NCOA6: variants seen among roughly 807,000 people sequenced by gnomAD.
NCOA6 encodes nuclear receptor coactivator 6, also known as NRC RAP250.
NCOA6 carries 49 observed loss-of-function variants against 171.4 expected under a neutral mutation model. The observed-to-expected ratio is 0.29, with a 90% confidence interval of 0.23 to 0.36. The LOEUF is 0.36. Ranked by LOEUF, NCOA6 falls within the 10% of genes least tolerant of loss-of-function variation. The pLI, the probability that NCOA6 is intolerant of heterozygous loss-of-function variation, is 1.00. For synonymous variants in NCOA6, 910 were observed against 927.5 expected (o/e 0.98, Z 0.34); for missense variants, 2,248 against 2,554.5 (o/e 0.88, Z 2.59).
chr20:34,741,589 C>T lies in NCOA6; in HGVS notation c.4667G>A (p.Cys1556Tyr). 2 of 1,614,172 alleles carry T rather than the reference C, an allele frequency of 1.2e-6. No homozygotes were observed. Among genetic ancestry groups the T allele is most frequent in the Non-Finnish European group, 1.7e-6 (2 of 1,180,038 alleles). ...CAATTCGGGATGCACAAGGGATGAA[C>T]ACAGCTCATTACTGTGAGGTAAGTT... ...SLNLPHSNEL[C>Y]SSLVHPELSE... The change falls in exon 11 of 15, where the codon TGT (cysteine) becomes TAT (tyrosine). Residue 1556 changes from cysteine (C) to tyrosine (Y), a missense_variant. Transcript: ENST00000359003.
At chr20:34,752,974 A>G (rs2076536062) in intron 8 of NCOA6, among the ~76,000 whole-genome samples, 1 of 151,724 alleles carries the variant, frequency 6.6e-6, no homozygotes, top group South Asian at 2.1e-4. Context: ...TGTGGAAGGT[A>G]CCATATAAAA....
At position 34,715,275 on chromosome 20, in the gene NCOA6, G is replaced by C. The variant is rs1366815291; in HGVS notation, c.*47C>G. 2.5e-6 allele frequency: 4 copies of C among 1,612,606 alleles called. No individual in the cohort carries two copies. Among genetic ancestry groups the C allele is most frequent in the Admixed American group, 1.7e-5 (1 of 59,870 alleles). ...AAGTCACAGCTCAAAATTGCTCTTT[G>C]TAAAAGTCACACACATTTCCAAGTA... On this transcript the variant is annotated 3_prime_UTR_variant, in exon 15 of 15. Coordinates refer to ENST00000359003, the MANE Select transcript of NCOA6 (RefSeq NM_014071.5).
chr20:34,741,300 C>T lies in NCOA6; in HGVS notation c.4956G>A (p.Arg1652=). 1.2e-6 allele frequency: 2 copies of T among 1,614,158 alleles called. No homozygotes were observed. Among genetic ancestry groups the T allele is most frequent in the Non-Finnish European group, 1.7e-6 (2 of 1,180,036 alleles). The stretch of plus-strand genomic sequence containing the variant: ...TAAAGACAGGTGTAATGAACTGAGG[C>T]CGGGCATTAGACTGAGCAGCTGACT... ...EGQSAAQSNA[R]PQFITPVFIN... The change falls in exon 11 of 15, where the codon CGG becomes CGA. Residue 1652 remains arginine, a synonymous_variant. Coordinates refer to ENST00000359003, the MANE Select transcript of NCOA6 (RefSeq NM_014071.5).
chr20:34,782,554 T>C (rs917886333), intron 2 of NCOA6, 150 bp from the exon 3 acceptor site: 6 of 252,842 alleles, frequency 2.4e-5, no homozygotes, highest in Non-Finnish European at 3.7e-5. Context: ...ATTTTAATTA[T>C]GACATTCTAA....
chr20:34,743,428 C>A, intron 10 of NCOA6, 87 bp from the exon 11 acceptor site: 2 of 1,366,842 alleles, frequency 1.5e-6, no homozygotes, highest in Non-Finnish European at 2.0e-6. Context: ...CAATACTCAT[C>A]TAGGTGGCAC....
intron 11 of NCOA6, among the ~76,000 whole-genome samples, chr20:34,737,865 T>C (rs1454057101): frequency 6.6e-6 from 1 of 152,232 alleles, no homozygotes; most frequent in Non-Finnish European, 1.5e-5. Flanking sequence ...TATCTTAACT[T>C]CTACTTTTAA....
chr20:34,745,426 G>C (rs1164780071), intron 10 of NCOA6, among the ~76,000 whole-genome samples: 1 of 152,184 alleles, frequency 6.6e-6, no homozygotes, highest in Non-Finnish European at 1.5e-5. Context: ...TGCTCTCAAT[G>C]CCTTCTGGAC....
chr20:34,802,469 C>T (rs1040483304), intron 1 of NCOA6, among the ~76,000 whole-genome samples: 4 of 152,200 alleles, frequency 2.6e-5, no homozygotes, highest in East Asian at 1.9e-4. Context: ...GGCGTGGTGG[C>T]GCATGCCTGT....
intron 2 of NCOA6, among the ~76,000 whole-genome samples, chr20:34,791,948 G>A (rs1413123559): frequency 6.6e-6 from 1 of 152,140 alleles, no homozygotes; most frequent in Non-Finnish European, 1.5e-5. Context: ...CCCAGTGGGG[G>A]ACTGCCAGGA....
chr20:34,768,739 C>G (rs1303635575), intron 4 of NCOA6, among the ~76,000 whole-genome samples, 153 bp from the exon 5 acceptor site: 10 of 152,124 alleles, frequency 6.6e-5, no homozygotes, highest in Non-Finnish European at 1.3e-4. Context: ...GTAGATGGGT[C>G]TTTCTTCAAC....
chr20:34,759,385 T>A (rs901138554), intron 5 of NCOA6, among the ~76,000 whole-genome samples: 1 of 150,976 alleles, frequency 6.6e-6, no homozygotes, highest in African/African-American at 2.4e-5. Context: ...ATTTAAAAAA[T>A]TTGCTCTTAT....
intron 8 of NCOA6, among the ~76,000 whole-genome samples, chr20:34,753,329 G>A (rs892608205): frequency 4.6e-5 from 7 of 151,096 alleles, no homozygotes; most frequent in African/African-American, 1.5e-4. Flanking sequence ...TTACAGGCGT[G>A]AGCCACCGCA....
At chr20:34,750,719 G>T (rs915183838) in intron 8 of NCOA6, among the ~76,000 whole-genome samples, 200 bp from the exon 9 acceptor site, 20 of 152,106 alleles carry the variant, frequency 1.3e-4, no homozygotes, top group Non-Finnish European at 7.4e-5. Context: ...CATTCCCAAT[G>T]ACCATATAAT....
intron 11 of NCOA6, 42 bp downstream of exon 11, chr20:34,740,321 A>G: frequency 1.3e-6 from 2 of 1,573,804 alleles, no homozygotes; most frequent in Non-Finnish European, 8.6e-7. Context: ...TTAGGTCATC[A>G]AAAAACTGAC....
At chr20:34,795,962 G>A (rs151082583) in intron 1 of NCOA6, among the ~76,000 whole-genome samples, 1,516 of 149,722 alleles carry the variant, frequency 0.01, 11 homozygotes, top group Non-Finnish European at 0.014. Context: ...AAACTACATG[G>A]TCTTCATGGT....
intron 4 of NCOA6, among the ~76,000 whole-genome samples, chr20:34,769,164 G>T (rs184039610): frequency 7.9e-5 from 12 of 152,262 alleles, no homozygotes; most frequent in Admixed American, 4.6e-4. Flanking sequence ...TACTTTCTGA[G>T]ACACCTAATG....
At chr20:34,807,871 G>A (rs927101327) in intron 1 of NCOA6, among the ~76,000 whole-genome samples, 16 of 149,674 alleles carry the variant, frequency 1.1e-4, no homozygotes, top group South Asian at 2.1e-4. Flanking sequence ...TCTTGCTGGC[G>A]GGGCCTGGTG....
Position 34,768,550 on chromosome 20 carries a change from C to G in NCOA6, c.428G>C (p.Arg143Pro), listed in dbSNP as rs150862623. Reference protein sequence around the residue: ...GAINLALAQNRSQDVRMNGPM... With the variant: ...GAINLALAQNPSQDVRMNGPM... ...TCCATTCATTCTCACATCTTGGCTT[C>G]GGTTCTGAGCCAAAGCCAGGTTAAT... The change falls in exon 5 of 15, where the codon CGA (arginine) becomes CCA (proline). Residue 143 changes from arginine to proline, a missense_variant. Physicochemically the swap from Arg to Pro is moderately radical, Grantham distance 103 (BLOSUM62 -2). This residue lies in a region of NCOA6 where 987 missense variants were observed against 1,104.7 expected (regional missense o/e 0.89). Coordinates refer to ENST00000359003, the MANE Select transcript of NCOA6 (RefSeq NM_014071.5). 6.2e-7 allele frequency: 1 copy of G among 1,613,970 alleles called. No homozygotes were observed. The highest frequency in any genetic ancestry group is 1.3e-5 in the African/African-American group (1 of 74,916).
chr20:34,751,376 C>CAAAAAAAAAAAAAAAAAAAAAAAAAA lies in NCOA6; in HGVS notation c.1676-858_1676-857insTTTTTTTTTTTTTTTTTTTTTTTTTT, dbSNP rs35848122. Among the ~76,000 whole-genome samples, 53 of 68,212 alleles carry CAAAAAAAAAAAAAAAAAAAAAAAAAA rather than the reference C, an allele frequency of 7.8e-4. 1 individual carries two copies. The highest frequency in any genetic ancestry group is 2.4e-3 in the Admixed American group (11 of 4,562). 44.7% of individuals were successfully genotyped at this position (68,212 alleles called of 152,430 possible). ...TGGGCGACAGAGCAAGACTCCGTCT[C>CAAAAAAAAAAAAAAAAAAAAAAAAAA]AAAAAAAAAAAAAAAAAAAAGAATG... On this transcript the variant is annotated intron_variant, in intron 8 of 14. Transcript: ENST00000359003.
Sources: allele counts gnomAD v4.1 joint callset (sites outside exome capture counted in the v4.1 genomes callset), GRCh38; gene constraint gnomAD v4.1.1; regional missense constraint gnomAD v4.1.1; transcripts MANE v1.5; gene names NCBI Gene and HGNC (gene_info 2026-07-23, HGNC 2026-07-21).